The following LTBP1 variants were observed in gnomAD, a reference collection of about 807,000 sequenced individuals.
LTBP1 encodes latent transforming growth factor beta binding protein 1, also known as latent-transforming growth factor beta-binding protein 1.
In LTBP1, 129 loss-of-function variants were observed where a neutral mutation model predicts 207.6. The observed-to-expected ratio is 0.62, with a 90% CI of 0.54 to 0.72. The LOEUF is 0.72. Ranked by LOEUF, LTBP1 falls within the 30% of genes least tolerant of loss-of-function variation. LTBP1 has a pLI of 0.00. For synonymous variants in LTBP1, 963 were observed against 833.7 expected, an observed-to-expected ratio of 1.16 and a Z score of -2.67; for missense variants, 2,281 against 2,217.2, an observed-to-expected ratio of 1.03 and a Z score of -0.58.
chr2:33,199,454 A>G (rs2088957659), intron 7 of LTBP1, among the ~76,000 whole-genome samples: 1 of 152,200 alleles, frequency 6.6e-6, no homozygotes, highest in African/African-American at 2.4e-5. Context: ...TCAATAAATT[A>G]GGTATTGATG....
chr2:33,088,013 G>A (rs999852594), intron 3 of LTBP1, among the ~76,000 whole-genome samples: 10 of 152,312 alleles, frequency 6.6e-5, no homozygotes, highest in African/African-American at 4.8e-5. Context: ...TGCTGAAATA[G>A]TAAACTTCAG....
chr2:33,301,483 C>A, intron 21 of LTBP1, 39 bp from the exon 22 acceptor site: 1 of 1,529,060 alleles, frequency 6.5e-7, no homozygotes, highest in South Asian at 1.3e-5. Context: ...GTTTTTGAAG[C>A]ACCACTTCCA....
chr2:33,064,488 C>T (rs1480194067), intron 3 of LTBP1, among the ~76,000 whole-genome samples: 2 of 152,206 alleles, frequency 1.3e-5, no homozygotes, highest in Non-Finnish European at 1.5e-5. Context: ...GGTCTCCACA[C>T]TCCCTAAGCT....
intron 7 of LTBP1, among the ~76,000 whole-genome samples, chr2:33,205,274 A>T (rs2089756538): frequency 6.6e-6 from 1 of 152,226 alleles, no homozygotes; most frequent in Non-Finnish European, 1.5e-5. Context: ...TTAGAATCTA[A>T]TCAGACAATT....
chr2:33,019,881 T>A (rs1019447791), intron 2 of LTBP1, among the ~76,000 whole-genome samples: 2 of 151,230 alleles, frequency 1.3e-5, no homozygotes, highest in African/African-American at 4.9e-5. Flanking sequence ...TAAATTTTTT[T>A]TTTTTTTTTT....
chr2:33,059,241 T>C (rs1446910731), intron 3 of LTBP1, among the ~76,000 whole-genome samples: 3 of 152,334 alleles, frequency 2.0e-5, no homozygotes, highest in African/African-American at 7.2e-5. Context: ...TCCAAGGTCT[T>C]TTCTGGTTTG....
chr2:33,392,183 A>AT (rs60323377), intron 32 of LTBP1, among the ~76,000 whole-genome samples: 118,689 of 148,252 alleles, frequency 0.8, 47,674 homozygotes, highest in African/African-American at 0.88. Context: ...GCCAGGTAGT[A>AT]TTTTTTTTTT....
At chr2:33,389,144 T>C in intron 31 of LTBP1, 40 bp from the exon 32 acceptor site, 1 of 1,613,202 alleles carries the variant, frequency 6.2e-7, no homozygotes, top group Non-Finnish European at 8.5e-7. Context: ...AGGTGCGAGC[T>C]AACAGTGGTG....
At chr2:33,288,854 CAAA>C (rs200975631) in intron 19 of LTBP1, among the ~76,000 whole-genome samples, 5 of 73,044 alleles carry the variant, frequency 6.8e-5, no homozygotes, top group Admixed American at 1.5e-4. Flanking sequence ...GACTCTGTCT[CAAA>C]AAAAAAAAAA....
At chr2:33,164,352 G>GT (rs1558735455) in intron 5 of LTBP1, among the ~76,000 whole-genome samples, 1 of 28,262 alleles carries the variant, frequency 3.5e-5, no homozygotes. Flanking sequence ...TTCCTCTCAG[G>GT]AAAAAAAAAA....
intron 17 of LTBP1, among the ~76,000 whole-genome samples, chr2:33,275,423 A>C (rs1012354994): frequency 5.9e-5 from 9 of 152,180 alleles, no homozygotes; most frequent in Non-Finnish European, 1.2e-4. Context: ...CATGGCCCAC[A>C]CCTGTAATCC....
chr2:33,147,431 C>T (rs999687307), intron 5 of LTBP1, among the ~76,000 whole-genome samples: 2 of 152,136 alleles, frequency 1.3e-5, no homozygotes, highest in Admixed American at 6.6e-5. Flanking sequence ...GTGCTGCCCA[C>T]CTGTGGATCA....
chr2:33,015,254 T>A (rs1009661053), intron 2 of LTBP1, among the ~76,000 whole-genome samples: 1 of 152,246 alleles, frequency 6.6e-6, no homozygotes, highest in African/African-American at 2.4e-5. Context: ...CAGAGTTTAC[T>A]TGAATTTAAT....
At chr2:33,108,852 C>T (rs749501748) in intron 3 of LTBP1, among the ~76,000 whole-genome samples, 3 of 152,220 alleles carry the variant, frequency 2.0e-5, no homozygotes, top group South Asian at 2.1e-4. Context: ...AGCTGTTTCA[C>T]TTGCTGCTCT....
chr2:33,200,995 G>T (rs1247887447), intron 7 of LTBP1, among the ~76,000 whole-genome samples: 1 of 152,224 alleles, frequency 6.6e-6, no homozygotes, highest in East Asian at 1.9e-4. Flanking sequence ...TGGAGAGGAT[G>T]TGGAGAATTA....
At chr2:33,224,224 A>G (rs950530672) in intron 9 of LTBP1, among the ~76,000 whole-genome samples, 2 of 152,194 alleles carry the variant, frequency 1.3e-5, no homozygotes, top group South Asian at 2.1e-4. Context: ...TTTCATTTCA[A>G]GGTTGTTGGG....
At chr2:33,347,534 A>G in intron 26 of LTBP1, 24 bp downstream of exon 26, 1 of 1,613,158 alleles carries the variant, frequency 6.2e-7, no homozygotes, top group African/African-American at 1.3e-5. Flanking sequence ...ACACTGTGCA[A>G]GGGAATGACA....
chr2:33,208,906 C>A (rs140782666), intron 7 of LTBP1, among the ~76,000 whole-genome samples: 2 of 127,778 alleles, frequency 1.6e-5, no homozygotes, highest in Non-Finnish European at 3.1e-5. Context: ...CTCGCTCTGT[C>A]TCCCAGGCTG....
chr2:33,062,848 A>T (rs1450638184), intron 3 of LTBP1, among the ~76,000 whole-genome samples: 2 of 152,240 alleles, frequency 1.3e-5, no homozygotes, highest in African/African-American at 4.8e-5. Context: ...TGCTGGAAGA[A>T]GGTGTGAGTC....
Sources: gnomAD v4.1 joint callset for allele counts (sites outside exome capture counted in the v4.1 genomes callset) on GRCh38, gnomAD v4.1.1 for gene constraint, MANE v1.5 for transcripts, NCBI Gene and HGNC (gene_info 2026-07-23, HGNC 2026-07-21) for gene names.